The following CHL1 variants were observed in gnomAD, a reference collection of about 807,000 sequenced individuals.
CHL1 encodes neural cell adhesion molecule L1-like protein.
A neutral mutation model predicts 141.9 loss-of-function variants in CHL1; 96 were observed. The ratio of observed to expected loss-of-function variants is 0.68; its 90% CI spans 0.57 to 0.80. The LOEUF is 0.80. Among genes scored for constraint, CHL1 ranks in the 30% least tolerant of loss-of-function variants. The probability of loss-of-function intolerance (pLI) is 0.00; values close to 1 mark genes in which losing one functional copy is unlikely to be tolerated. For synonymous variants in CHL1, 613 were observed against 502.2 expected (o/e 1.22, Z -2.95); for missense variants, 1,820 against 1,457.2 (o/e 1.25, Z -4.05).
rs769269438 is a variant in CHL1, at chr3:328,287, A to C, written c.318A>C (p.Lys106Asn). 6.2e-7 allele frequency: 1 copy of C among 1,612,732 alleles called. No homozygotes were observed. Among genetic ancestry groups the C allele is most frequent in the Non-Finnish European group, 8.5e-7 (1 of 1,179,094 alleles). Reference sequence around the variant, plus strand: ...GGCACATATCTCACTTTCAAGGGAAATACCGCTGCTTTGCTTCAAATAAAC... The same window carrying C: ...GGCACATATCTCACTTTCAAGGGAACTACCGCTGCTTTGCTTCAAATAAAC... ...NEGHISHFQG[K>N]YRCFASNKLG... The change falls in exon 5 of 28, where the codon AAA becomes AAC. Residue 106 changes from lysine (K) to asparagine (N), a missense_variant. Lys to Asn is a moderately conservative substitution (Grantham distance 94, BLOSUM62 0). Transcript: ENST00000256509.
At chr3:326,889 A>G (rs545944241) in intron 4 of CHL1, among the ~76,000 whole-genome samples, 1 of 152,058 alleles carries the variant, frequency 6.6e-6, no homozygotes. Flanking sequence ...GATATTTAAT[A>G]ATCATTAGTG....
chr3:352,972 G>C (rs113241721), intron 10 of CHL1, among the ~76,000 whole-genome samples: 78 of 152,282 alleles, frequency 5.1e-4, no homozygotes, highest in Non-Finnish European at 9.4e-4. Context: ...CATAGTTGCT[G>C]TGTATTTATC....
At chr3:240,772 A>G (rs1339507164) in intron 1 of CHL1, among the ~76,000 whole-genome samples, 2 of 116,060 alleles carry the variant, frequency 1.7e-5, no homozygotes, top group Non-Finnish European at 4.2e-5. Context: ...TGATTTTTGT[A>G]TAAGGTAGGA....
chr3:258,654 T>C (rs1428558949), intron 2 of CHL1, among the ~76,000 whole-genome samples: 1 of 152,240 alleles, frequency 6.6e-6, no homozygotes, highest in African/African-American at 2.4e-5. Context: ...CCTTTTTCCA[T>C]CTTCGGACCT....
chr3:399,465 C>A (rs1435903699), intron 26 of CHL1, among the ~76,000 whole-genome samples: 1 of 151,990 alleles, frequency 6.6e-6, no homozygotes, highest in Non-Finnish European at 1.5e-5. Flanking sequence ...CATGATGAAA[C>A]CCCGTCTCTA....
At chr3:226,298 A>G (rs1333602824) in intron 1 of CHL1, among the ~76,000 whole-genome samples, 1 of 149,168 alleles carries the variant, frequency 6.7e-6, no homozygotes, top group South Asian at 2.1e-4. Context: ...CGGATCCCAA[A>G]GTAGGATTAC....
intron 2 of CHL1, among the ~76,000 whole-genome samples, chr3:250,424 A>G (rs1693582964): frequency 6.6e-6 from 1 of 152,140 alleles, no homozygotes; most frequent in African/African-American, 2.4e-5. Flanking sequence ...GGAGCAGTTA[A>G]TTGTGAGAAG....
At chr3:355,629 A>T (rs886882820) in intron 11 of CHL1, among the ~76,000 whole-genome samples, 1 of 152,192 alleles carries the variant, frequency 6.6e-6, no homozygotes, top group Non-Finnish European at 1.5e-5. Flanking sequence ...AGGGTGAGCC[A>T]CTTGGTGGAT....
intron 6 of CHL1, among the ~76,000 whole-genome samples, chr3:341,234 C>G (rs2125145804): frequency 1.3e-5 from 2 of 152,204 alleles, no homozygotes; most frequent in South Asian, 4.1e-4. Flanking sequence ...TTAGTATTAA[C>G]TTTTTTGCTT....
At chr3:330,526 T>C (rs1227591150) in intron 5 of CHL1, among the ~76,000 whole-genome samples, 2 of 152,106 alleles carry the variant, frequency 1.3e-5, no homozygotes, top group Non-Finnish European at 2.9e-5. Flanking sequence ...CAATGTGGTA[T>C]GTAATCTTTG....
rs5845966 is a variant in CHL1, at chr3:360,590, C to CTT, written c.1306+177_1306+178dup. On this transcript the variant is annotated intron_variant, in intron 12 of 27. Coordinates refer to ENST00000256509, the MANE Select transcript of CHL1 (RefSeq NM_006614.4). ...AGACTTCACACTGAAATTGTACTTTCTTTTTTTTTTTTATTATACTTTAAG... is the reference window on the plus strand; with the variant it reads ...AGACTTCACACTGAAATTGTACTTTCTTTTTTTTTTTTTTATTATACTTTAAG... Among the ~76,000 whole-genome samples, 922 of 130,758 alleles carry CTT rather than the reference C, an allele frequency of 7.1e-3. 21 individuals are homozygous for CTT. The highest frequency in any genetic ancestry group is 0.046 in the East Asian group (199 of 4,290). The allele number at this position is 130,758 out of a possible 152,430, so 85.8% of individuals were successfully genotyped here. A position where few individuals can be genotyped will look rare whatever the true frequency, so the allele number is the denominator to read the frequency against.
intron 5 of CHL1, among the ~76,000 whole-genome samples, chr3:340,396 C>A (rs187774521): frequency 1.4e-3 from 210 of 152,144 alleles, no homozygotes; most frequent in African/African-American, 4.8e-3. Context: ...CCCAATAAAG[C>A]GAGAGATAGA....
intron 2 of CHL1, chr3:248,738 C>A (rs180999999): frequency 6.6e-6 from 1 of 152,148 alleles, no homozygotes; most frequent in Admixed American, 6.6e-5. Flanking sequence ...GAAAACAGTT[C>A]CTCAGTTGCT....
intron 1 of CHL1, among the ~76,000 whole-genome samples, chr3:205,747 C>A (rs1699378351): frequency 6.6e-6 from 1 of 152,170 alleles, no homozygotes; most frequent in Non-Finnish European, 1.5e-5. Flanking sequence ...GTGCTAGAGA[C>A]AGGAATGAAA....
At chr3:394,497 C>T (rs1228419265) in intron 23 of CHL1, among the ~76,000 whole-genome samples, 196 bp from the exon 24 acceptor site, 2 of 152,082 alleles carry the variant, frequency 1.3e-5, no homozygotes, top group African/African-American at 2.4e-5. Context: ...AGGGCTTATT[C>T]TTGCGAGACC....
At chr3:250,094 G>A (rs1283089252) in intron 2 of CHL1, among the ~76,000 whole-genome samples, 1 of 151,756 alleles carries the variant, frequency 6.6e-6, no homozygotes, top group Non-Finnish European at 1.5e-5. Context: ...AGCCTCTTGA[G>A]CAGCTGGCAC....
chr3:276,890 TA>T (rs11292528), intron 2 of CHL1, among the ~76,000 whole-genome samples: 28,047 of 64,366 alleles, frequency 0.44, 4,373 homozygotes, highest in East Asian at 0.49. Context: ...CTCCGTCTCC[TA>T]AAAAAAAAAA....
Position 226,056 on chromosome 3 carries a change from C to A in CHL1, c.-174-18557C>A, listed in dbSNP as rs145007357. ...TAACTTTTTTTGAGAGAGTCTCGTT[C>A]CGTCGCCCAGGAGAGAGTGCGGAGG... On this transcript the variant is annotated intron_variant, in intron 1 of 27. Transcript: ENST00000256509. 2.0e-4 allele frequency among the ~76,000 whole-genome samples: 31 copies of A among 151,344 alleles called. 1 individual carries two copies. In the East Asian group the frequency reaches 6.1e-3, roughly 30 times the overall value.
chr3:219,675 A>T (rs1034613109), intron 1 of CHL1, among the ~76,000 whole-genome samples: 3 of 152,160 alleles, frequency 2.0e-5, no homozygotes, highest in Non-Finnish European at 2.9e-5. Context: ...GAGGAGAACA[A>T]CACACACTGG....
Sources: allele counts gnomAD v4.1 joint callset (sites outside exome capture counted in the v4.1 genomes callset), GRCh38; gene constraint gnomAD v4.1.1; transcripts MANE v1.5; gene names NCBI Gene and HGNC (gene_info 2026-07-23, HGNC 2026-07-21).